Variants in SUMF1 observed in about 807,000 individuals in gnomAD.
SUMF1 encodes the protein sulfatase modifying factor 1.
In SUMF1, 48 loss-of-function variants were observed where a neutral mutation model predicts 47.6. The ratio of observed to expected loss-of-function variants is 1.01; its 90% CI spans 0.80 to 1.28. The LOEUF is 1.28. SUMF1 is among the 50% of genes most tolerant of loss of function. SUMF1 has a pLI of 0.00. For missense variants in SUMF1, 571 were observed against 485.4 expected (o/e 1.18, Z -1.66); for synonymous variants, 230 against 192.1 (o/e 1.20, Z -1.63).
chr3:4,230,872 TG>T (rs1173008693), intron 8 of SUMF1, among the ~76,000 whole-genome samples: 1 of 152,080 alleles, frequency 6.6e-6, no homozygotes, highest in African/African-American at 2.4e-5. Context: ...TACAAGAAAC[TG>T]GGGACCAAAC....
intron 8 of SUMF1, among the ~76,000 whole-genome samples, chr3:4,156,368 A>T (rs1182065861): frequency 1.3e-5 from 2 of 151,656 alleles, no homozygotes; most frequent in Non-Finnish European, 2.9e-5. Flanking sequence ...AGAACTAATT[A>T]GTACCTAATC....
At chr3:4,231,052 T>C (rs1441974371) in intron 8 of SUMF1, among the ~76,000 whole-genome samples, 1 of 152,150 alleles carries the variant, frequency 6.6e-6, no homozygotes, top group Non-Finnish European at 1.5e-5. Flanking sequence ...GATCTGCCCA[T>C]TTCTAGAGAA....
chr3:4,265,088 G>C (rs1461505827), intron 8 of SUMF1, among the ~76,000 whole-genome samples: 1 of 129,682 alleles, frequency 7.7e-6, no homozygotes, highest in Admixed American at 9.4e-5. Context: ...AGTGAGCCAA[G>C]ATTGCGCCAC....
At chr3:4,129,894 T>G (rs1410278628) in intron 8 of SUMF1, among the ~76,000 whole-genome samples, 1 of 152,136 alleles carries the variant, frequency 6.6e-6, no homozygotes, top group Non-Finnish European at 1.5e-5. Context: ...AGTGTCAGAA[T>G]GCATAATTGG....
intron 8 of SUMF1, among the ~76,000 whole-genome samples, chr3:4,159,986 T>A (rs1694539069): frequency 6.6e-6 from 1 of 152,166 alleles, no homozygotes; most frequent in Admixed American, 6.5e-5. Flanking sequence ...TAGAATCCTT[T>A]CTTTATCCTT....
intron 9 of SUMF1, among the ~76,000 whole-genome samples, chr3:4,065,826 C>A (rs1695362599): frequency 6.6e-6 from 1 of 152,102 alleles, no homozygotes; most frequent in Non-Finnish European, 1.5e-5. Flanking sequence ...CTGAGGCTAG[C>A]AACAGCTCTG....
chr3:4,249,835 C>T (rs1305177984), intron 8 of SUMF1, among the ~76,000 whole-genome samples: 1 of 152,118 alleles, frequency 6.6e-6, no homozygotes, highest in Non-Finnish European at 1.5e-5. Flanking sequence ...GAAAACTTCT[C>T]CGAGGAAATT....
At chr3:4,200,073 C>G (rs1695509514) in intron 8 of SUMF1, among the ~76,000 whole-genome samples, 1 of 151,770 alleles carries the variant, frequency 6.6e-6, no homozygotes, top group Admixed American at 6.6e-5. Context: ...AATTTTTTCT[C>G]TCATCTTTAA....
chr3:4,209,449 C>T (rs559998642), intron 8 of SUMF1, among the ~76,000 whole-genome samples: 69 of 152,008 alleles, frequency 4.5e-4, no homozygotes, highest in Non-Finnish European at 8.2e-4. Flanking sequence ...TAATAAAGTT[C>T]GATGAGAATA....
At chr3:4,313,041 A>G in intron 8 of SUMF1, 2 of 1,613,752 alleles carry the variant, frequency 1.2e-6, no homozygotes, top group Admixed American at 1.7e-5. Flanking sequence ...ATGATAACTC[A>G]TGCCTTAGAG....
At chr3:4,228,266 C>G (rs757367743) in intron 8 of SUMF1, among the ~76,000 whole-genome samples, 1 of 152,088 alleles carries the variant, frequency 6.6e-6, no homozygotes, top group African/African-American at 2.4e-5. Context: ...GACACCTGCT[C>G]TAACTCAAAA....
At chr3:4,254,509 T>A (rs1696897446) in intron 8 of SUMF1, among the ~76,000 whole-genome samples, 2 of 149,354 alleles carry the variant, frequency 1.3e-5, no homozygotes, top group Admixed American at 6.7e-5. Flanking sequence ...GAAGAAAGGG[T>A]ATCAGCAATG....
chr3:4,202,750 A>C (rs535474927), intron 8 of SUMF1, among the ~76,000 whole-genome samples: 1 of 151,694 alleles, frequency 6.6e-6, no homozygotes, highest in Admixed American at 6.6e-5. Context: ...TTTTACTGTA[A>C]CCCATCAGTT....
chr3:4,085,355 G>C (rs1235627521), intron 8 of SUMF1, among the ~76,000 whole-genome samples: 1 of 152,004 alleles, frequency 6.6e-6, no homozygotes, highest in Non-Finnish European at 1.5e-5. Context: ...TTTTGCTGAG[G>C]GGAGAATATA....
At chr3:4,204,520 T>C (rs1384536547) in intron 8 of SUMF1, among the ~76,000 whole-genome samples, 1 of 152,126 alleles carries the variant, frequency 6.6e-6, no homozygotes, top group East Asian at 1.9e-4. Context: ...TTGTTATCTC[T>C]CTCTAGGTTT....
chr3:4,290,722 T>C (rs1298183301), intron 8 of SUMF1, among the ~76,000 whole-genome samples: 1 of 152,190 alleles, frequency 6.6e-6, no homozygotes, highest in Non-Finnish European at 1.5e-5. Context: ...TTCTACTTCA[T>C]ATTGTATAGT....
intron 8 of SUMF1, among the ~76,000 whole-genome samples, chr3:4,363,805 T>A (rs1358145524): frequency 8.6e-5 from 11 of 127,880 alleles, no homozygotes; most frequent in African/African-American, 3.0e-4. Flanking sequence ...TTGTGCCAGT[T>A]TTCAAAGGGA....
chr3:4,306,462 G>A (rs1575072461), intron 8 of SUMF1, among the ~76,000 whole-genome samples: 1 of 152,116 alleles, frequency 6.6e-6, no homozygotes, highest in East Asian at 1.9e-4. Context: ...TACAGTTGGT[G>A]GGCATAAATG....
intron 7 of SUMF1, among the ~76,000 whole-genome samples, chr3:4,379,818 G>A (rs930787412): frequency 2.2e-5 from 3 of 136,346 alleles, no homozygotes; most frequent in African/African-American, 8.2e-5. Context: ...CTCCAGCCTG[G>A]CAACAGAGCG....
Sources: gnomAD v4.1 joint callset for allele counts (sites outside exome capture counted in the v4.1 genomes callset) on GRCh38, gnomAD v4.1.1 for gene constraint, MANE v1.5 for transcripts, NCBI Gene and HGNC (gene_info 2026-07-23, HGNC 2026-07-21) for gene names.